The following NOL4 variants were observed in gnomAD, a reference collection of about 807,000 sequenced individuals.
The protein encoded by NOL4 is nucleolar protein 4.
NOL4 carries 17 observed loss-of-function variants against 75.9 expected under a neutral mutation model. That is an observed-to-expected ratio of 0.22 (90% CI 0.15 to 0.34). The LOEUF is 0.34. Among genes scored for constraint, NOL4 ranks in the 10% least tolerant of loss-of-function variants. The pLI is 1.00. For synonymous variants in NOL4, 292 were observed against 289.9 expected, an observed-to-expected ratio of 1.01 and a Z score of -0.07; for missense variants, 614 against 793.5, an observed-to-expected ratio of 0.77 and a Z score of 2.72.
intron 9 of NOL4, among the ~76,000 whole-genome samples, chr18:33,931,258 G>GC (rs1167939944): frequency 6.6e-6 from 1 of 152,004 alleles, no homozygotes; most frequent in East Asian, 1.9e-4. Flanking sequence ...TAGACTATTC[G>GC]GTCCATAGCA....
chr18:34,054,507 T>G (rs1375273966), intron 5 of NOL4, among the ~76,000 whole-genome samples: 2 of 151,980 alleles, frequency 1.3e-5, no homozygotes, highest in African/African-American at 4.8e-5. Flanking sequence ...CCTTTTTTAA[T>G]GTTAGTATAG....
intron 1 of NOL4, among the ~76,000 whole-genome samples, chr18:34,162,689 T>G (rs2031695693): frequency 6.6e-6 from 1 of 152,210 alleles, no homozygotes; most frequent in South Asian, 2.1e-4. Context: ...CTATTCCTTC[T>G]GAAACTATTC....
At chr18:33,938,752 T>C (rs1056536995) in intron 9 of NOL4, among the ~76,000 whole-genome samples, 1 of 152,194 alleles carries the variant, frequency 6.6e-6, no homozygotes, top group Non-Finnish European at 1.5e-5. Flanking sequence ...TGATAGTTTC[T>C]TTGGCTGTGC....
At chr18:34,222,955 G>A (rs775606631) in intron 1 of NOL4, 35 bp downstream of exon 1, 4 of 1,595,586 alleles carry the variant, frequency 2.5e-6, no homozygotes, top group East Asian at 4.5e-5. Flanking sequence ...GGGCTGCTCC[G>A]GCAGACAAAT....
intron 1 of NOL4, among the ~76,000 whole-genome samples, chr18:34,161,628 G>A (rs750259254): frequency 1.6e-4 from 25 of 151,968 alleles, no homozygotes; most frequent in Non-Finnish European, 3.2e-4. Context: ...ATACTTGTTG[G>A]CCATTTGTAC....
chr18:33,997,593 A>C (rs1161440154), intron 6 of NOL4, among the ~76,000 whole-genome samples: 3 of 151,014 alleles, frequency 2.0e-5, no homozygotes, highest in Admixed American at 6.6e-5. Flanking sequence ...ATTACCTCAC[A>C]TCAAACTATA....
intron 6 of NOL4, among the ~76,000 whole-genome samples, chr18:33,982,844 G>A (rs1213055901): frequency 2.7e-5 from 4 of 148,632 alleles, no homozygotes; most frequent in Admixed American, 1.4e-4. Context: ...TCTGCTTCCC[G>A]GGTTCAAGTT....
Position 33,867,206 on chromosome 18 carries a change from A to T in NOL4, c.1724-14171T>A, listed in dbSNP as rs2063473817. Among the ~76,000 whole-genome samples, 3 of 152,162 alleles carry T rather than the reference A, an allele frequency of 2.0e-5. No individual in the cohort carries two copies. The South Asian group carries it at 6.2e-4, about 31-fold the overall frequency. On this transcript the variant is annotated intron_variant, in intron 10 of 10. Coordinates refer to ENST00000261592, the MANE Select transcript of NOL4 (RefSeq NM_003787.5). Reference sequence around the variant, plus strand: ...ATTAAGATTTGAACCTGGGTTTTCCACTTGCTAATTTTACTATCTTATAGC... The same window carrying T: ...ATTAAGATTTGAACCTGGGTTTTCCTCTTGCTAATTTTACTATCTTATAGC...
chr18:33,867,414 T>C (rs1175084452), intron 10 of NOL4, among the ~76,000 whole-genome samples: 1 of 152,116 alleles, frequency 6.6e-6, no homozygotes, highest in Non-Finnish European at 1.5e-5. Context: ...TGGAAATAGA[T>C]TGAATAAACA....
chr18:34,111,395 G>C (rs903808253), intron 2 of NOL4, among the ~76,000 whole-genome samples: 8 of 152,060 alleles, frequency 5.3e-5, no homozygotes, highest in African/African-American at 1.9e-4. Flanking sequence ...GTCTAGTAGT[G>C]TTAGGCTGTG....
rs1335216069 is a variant in NOL4 at position 34,224,205 on chromosome 18, C to T, written c.-952G>A. 6.6e-6 allele frequency: 1 copy of T among 152,328 alleles called. No homozygotes were observed. The highest frequency in any genetic ancestry group is 1.5e-5 in the Non-Finnish European group (1 of 68,088). 9.4% of individuals were successfully genotyped at this position (152,328 alleles called of 1,614,324 possible). On this transcript the variant is annotated 5_prime_UTR_variant, in exon 1 of 11. Coordinates refer to ENST00000261592, the MANE Select transcript of NOL4 (RefSeq NM_003787.5). ...AATGATGGGACCCCCAGACAGGACT[C>T]CTCTGGTTTCTGCTGAACAAGACAT...
chr18:34,036,912 A>G (rs958862557), intron 5 of NOL4, among the ~76,000 whole-genome samples: 2 of 152,206 alleles, frequency 1.3e-5, no homozygotes, highest in Non-Finnish European at 2.9e-5. Context: ...TGCCTGGGCA[A>G]TAGAGTGAGA....
chr18:33,885,067 G>A (rs955014714), intron 9 of NOL4, among the ~76,000 whole-genome samples: 6 of 151,658 alleles, frequency 4.0e-5, no homozygotes, highest in African/African-American at 1.5e-4. Context: ...GCAAATTGAA[G>A]TAAAAATAAG....
intron 9 of NOL4, among the ~76,000 whole-genome samples, chr18:33,916,396 G>A (rs1233288737): frequency 6.6e-6 from 1 of 152,042 alleles, no homozygotes; most frequent in African/African-American, 2.4e-5. Context: ...TCTCCATTAG[G>A]GACCGGCGGC....
At chr18:34,044,987 T>A (rs973544362) in intron 5 of NOL4, among the ~76,000 whole-genome samples, 5 of 152,208 alleles carry the variant, frequency 3.3e-5, no homozygotes, top group Non-Finnish European at 7.3e-5. Context: ...AGTGTTTTTA[T>A]GAAATCTTGA....
At chr18:33,923,977 G>A (rs2067184047) in intron 9 of NOL4, among the ~76,000 whole-genome samples, 1 of 152,074 alleles carries the variant, frequency 6.6e-6, no homozygotes, top group Admixed American at 6.6e-5. Context: ...CCTTTAAGCA[G>A]GGATTTCCTA....
At chr18:33,877,893 T>G (rs1386423275) in intron 10 of NOL4, among the ~76,000 whole-genome samples, 3 of 151,784 alleles carry the variant, frequency 2.0e-5, no homozygotes, top group Non-Finnish European at 4.4e-5. Context: ...GAGGATACTA[T>G]GAGAGTGTAT....
intron 10 of NOL4, among the ~76,000 whole-genome samples, chr18:33,872,067 A>G (rs1168583325): frequency 1.3e-5 from 2 of 152,058 alleles, no homozygotes; most frequent in Non-Finnish European, 2.9e-5. Flanking sequence ...GTATCTCAAT[A>G]TATATCTTTA....
At chr18:34,159,912 A>T (rs1568405556) in intron 1 of NOL4, among the ~76,000 whole-genome samples, 1 of 151,796 alleles carries the variant, frequency 6.6e-6, no homozygotes, top group African/African-American at 2.4e-5. Flanking sequence ...CGGGGAGGGG[A>T]GTGGGGTGGG....
Sources: gnomAD v4.1 joint callset for allele counts (sites outside exome capture counted in the v4.1 genomes callset) on GRCh38, gnomAD v4.1.1 for gene constraint, MANE v1.5 for transcripts, NCBI Gene and HGNC (gene_info 2026-07-23, HGNC 2026-07-21) for gene names.